TEX9: variants seen among roughly 807,000 people sequenced by gnomAD.
TEX9 encodes the protein testis expressed 9, also known as testis-expressed protein 9.
Under a neutral mutation model 59.6 loss-of-function variants are expected in TEX9, and 74 were observed. That is an observed-to-expected ratio of 1.24 (90% CI 1.03 to 1.51). TEX9 has a LOEUF of 1.51. TEX9 is among the 40% of genes most tolerant of loss of function. TEX9 has a pLI of 0.00. For synonymous variants in TEX9, 186 were observed against 152.2 expected (o/e 1.22, Z -1.64); for missense variants, 522 against 447.8 (o/e 1.17, Z -1.49).
chr15:56,244,854 T>TA (rs2043808314), intron 1 of TEX9, among the ~76,000 whole-genome samples: 1 of 151,246 alleles, frequency 6.6e-6, no homozygotes, highest in South Asian at 2.1e-4. Flanking sequence ...ATGATAGCTT[T>TA]GCCACAAATA....
Position 56,388,574 on chromosome 15 carries a change from T to C in TEX9, c.312+54T>C, listed in dbSNP as rs1253681726. Reference sequence around the variant, plus strand: ...ATTATATTCTGTAGAACTCCGGATATTTTTTAGACTTTTCTTAGACAAAGC... The same window carrying C: ...ATTATATTCTGTAGAACTCCGGATACTTTTTAGACTTTTCTTAGACAAAGC... On this transcript the variant is annotated intron_variant, in intron 5 of 12. Transcript: ENST00000352903. 3 of 1,471,926 alleles carry C rather than the reference T, an allele frequency of 2.0e-6. No homozygotes were observed. In the Admixed American group the frequency reaches 5.1e-5, roughly 25 times the overall value. 91.2% of individuals were successfully genotyped at this position (1,471,926 alleles called of 1,614,324 possible).
intron 10 of TEX9, among the ~76,000 whole-genome samples, chr15:56,417,247 G>T (rs1455807720): frequency 4.0e-5 from 6 of 151,674 alleles, no homozygotes; most frequent in Admixed American, 3.3e-4. Context: ...TAGCTTTGGG[G>T]TTGATTTCTT....
At chr15:56,402,047 C>T (rs1309409456) in intron 9 of TEX9, among the ~76,000 whole-genome samples, 3 of 152,246 alleles carry the variant, frequency 2.0e-5, no homozygotes, top group East Asian at 3.9e-4. Context: ...CTAAAATTGA[C>T]ACCCTAACAT....
chr15:56,258,420 G>A (rs1294891540), intron 1 of TEX9, among the ~76,000 whole-genome samples: 1 of 152,112 alleles, frequency 6.6e-6, no homozygotes, highest in Non-Finnish European at 1.5e-5. Context: ...CAATCCATGA[G>A]CATGGAATGT....
Position 56,311,402 on chromosome 15 carries a change from T to C in TEX9, c.-106-62039T>C, listed in dbSNP as rs1389281270. Among the ~76,000 whole-genome samples the C allele has an allele frequency of 2.0e-3, 287 of 140,936 alleles. 2 individuals carry two copies. The highest frequency in any genetic ancestry group is 7.1e-3 in the African/African-American group (275 of 38,604). The allele number at this position is 140,936 out of a possible 152,430, so 92.5% of individuals were successfully genotyped here. A position where few individuals can be genotyped will look rare whatever the true frequency, so the allele number is the denominator to read the frequency against. ...AGTGAGAATATGCGGTGTTTGGTTTTTTGTTCTTGCGATAGTTTACTGAGA... is the reference window on the plus strand; with the variant it reads ...AGTGAGAATATGCGGTGTTTGGTTTCTTGTTCTTGCGATAGTTTACTGAGA... On this transcript the variant is annotated intron_variant, in intron 1 of 5. Coordinates refer to the TEX9 transcript ENST00000560827.
At chr15:56,292,500 GGGAAGGGC>G (rs2045118131) in intron 1 of TEX9, among the ~76,000 whole-genome samples, 1 of 152,168 alleles carries the variant, frequency 6.6e-6, no homozygotes, top group Admixed American at 6.5e-5. Context: ...ACTACAGCCT[GGGAAGGGC>G]CTTAGACCTT....
intron 1 of TEX9, among the ~76,000 whole-genome samples, chr15:56,258,894 A>G (rs1272782541): frequency 4.7e-5 from 7 of 149,898 alleles, no homozygotes; most frequent in African/African-American, 1.7e-4. Flanking sequence ...ATATATGAAT[A>G]TATATGTGTA....
At chr15:56,293,763 A>G (rs2045153379) in intron 1 of TEX9, among the ~76,000 whole-genome samples, 1 of 152,214 alleles carries the variant, frequency 6.6e-6, no homozygotes, top group South Asian at 2.1e-4. Context: ...TTCCCTGGCC[A>G]GCCATGTGTG....
In TEX9 at chr15:56,358,546, G is replaced by A. The variant is rs143409662; in HGVS notation, c.-106-14895G>A. Among the ~76,000 whole-genome samples, 419 of 152,080 alleles carry A rather than the reference G, an allele frequency of 2.8e-3. 4 individuals carry two copies. The highest frequency in any genetic ancestry group is 9.5e-3 in the African/African-American group (396 of 41,492). ...TGCACCTAGTTTTCCCTATTATTAC[G>A]ATCTTACATTAATATGGTTAAATTG... On this transcript the variant is annotated intron_variant, in intron 1 of 5. Transcript: ENST00000560827.
rs529028975 is a variant in TEX9, at chr15:56,415,821, G to A, written c.963+3385G>A. Among the ~76,000 whole-genome samples the A allele has an allele frequency of 3.3e-5, 5 of 151,896 alleles. No homozygotes were observed. The East Asian group carries it at 7.7e-4, about 23-fold the overall frequency. On this transcript the variant is annotated intron_variant, in intron 10 of 12. Coordinates refer to ENST00000352903, the Ensembl canonical transcript of TEX9. The stretch of plus-strand genomic sequence containing the variant: ...AGGAATAGCATTGAATCTGTAAATC[G>A]CTTTGGGCAGTATAGGCATTTTAAT...
intron 1 of TEX9, among the ~76,000 whole-genome samples, chr15:56,349,641 G>A (rs1433415821): frequency 3.9e-5 from 6 of 151,990 alleles, no homozygotes; most frequent in Admixed American, 2.6e-4. Flanking sequence ...TAAAATGCCT[G>A]TTCTTGGTCA....
At chr15:56,424,040 A>C (rs971775366) in intron 10 of TEX9, among the ~76,000 whole-genome samples, 3 of 152,062 alleles carry the variant, frequency 2.0e-5, no homozygotes, top group Non-Finnish European at 4.4e-5. Flanking sequence ...TTATTGCTTT[A>C]TTGGTCTTCC....
At chr15:56,345,567 G>T (rs752566554) in intron 1 of TEX9, among the ~76,000 whole-genome samples, 3 of 152,154 alleles carry the variant, frequency 2.0e-5, no homozygotes, top group Non-Finnish European at 4.4e-5. Flanking sequence ...TGGGACTACA[G>T]GCATGTGCCA....
chr15:56,247,269 C>T (rs1380111506), intron 1 of TEX9, among the ~76,000 whole-genome samples: 2 of 152,078 alleles, frequency 1.3e-5, no homozygotes, highest in African/African-American at 4.8e-5. Context: ...TAAGACCTGG[C>T]CCCAACTTGA....
intron 8 of TEX9, 87 bp from the exon 9 acceptor site, chr15:56,394,574 G>T: frequency 1.0e-6 from 1 of 980,546 alleles, no homozygotes; most frequent in South Asian, 1.6e-5. Flanking sequence ...AAATATCAAA[G>T]AACATATGAA....
chr15:56,315,357 ATC>A lies in TEX9; in HGVS notation c.-106-58079_-106-58078del, dbSNP rs1192460232. Among the ~76,000 whole-genome samples the A allele has an allele frequency of 1.1e-4, 16 of 141,800 alleles. 1 individual carries two copies. The highest frequency in any genetic ancestry group is 1.9e-4 in the Non-Finnish European group (12 of 63,868). 93.0% of individuals were successfully genotyped at this position (141,800 alleles called of 152,430 possible). On this transcript the variant is annotated intron_variant, in intron 1 of 5. Transcript: ENST00000560827. ...GTAAGGCAGGCCTGGTGGTGACAAA[ATC>A]TCTCAGCATTTGCTTGTCTGTAAAG...
At chr15:56,268,222 G>C (rs2044436283) in intron 1 of TEX9, among the ~76,000 whole-genome samples, 1 of 152,148 alleles carries the variant, frequency 6.6e-6, no homozygotes, top group Admixed American at 6.5e-5. Context: ...AGGAGATTTT[G>C]GGCTGAGATG....
chr15:56,432,837 T>G lies in TEX9; in HGVS notation c.*29+4364T>G, dbSNP rs938386350. Among the ~76,000 whole-genome samples, 13 of 152,326 alleles carry G rather than the reference T, an allele frequency of 8.5e-5. 1 individual carries two copies. Among genetic ancestry groups the G allele is most frequent in the Admixed American group, 6.5e-4 (10 of 15,292 alleles). On this transcript the variant is annotated intron_variant, in intron 12 of 12. Coordinates refer to ENST00000352903, the Ensembl canonical transcript of TEX9. Reference sequence around the variant, plus strand: ...CATATTTGAAACATCTGCATTATTTTGACTCCTACTTTGTATAGTTTTAAA... The same window carrying G: ...CATATTTGAAACATCTGCATTATTTGGACTCCTACTTTGTATAGTTTTAAA...
At chr15:56,334,391 A>G (rs1269931791) in intron 1 of TEX9, among the ~76,000 whole-genome samples, 1 of 152,224 alleles carries the variant, frequency 6.6e-6, no homozygotes, top group Non-Finnish European at 1.5e-5. Context: ...CAAAAGTGCC[A>G]AGAACATACA....
Sources: gnomAD v4.1 joint callset for allele counts (sites outside exome capture counted in the v4.1 genomes callset) on GRCh38, gnomAD v4.1.1 for gene constraint, MANE v1.5 for transcripts, NCBI Gene and HGNC (gene_info 2026-07-23, HGNC 2026-07-21) for gene names.